The following TET2 variants were observed in gnomAD, a reference collection of about 807,000 sequenced individuals.
TET2 encodes tet methylcytosine dioxygenase 2.
In TET2, 299 loss-of-function variants were observed where a neutral mutation model predicts 142.9. The ratio of observed to expected loss-of-function variants is 2.09; its 90% CI spans 1.90 to 2.30. TET2 has a LOEUF of 2.30. Among genes scored for constraint, TET2 ranks in the 30% most tolerant of loss-of-function variants. The pLI is 0.00. For synonymous variants in TET2, 819 were observed against 849.0 expected, an observed-to-expected ratio of 0.96 and a Z score of 0.61; for missense variants, 2,418 against 2,378.0, an observed-to-expected ratio of 1.02 and a Z score of -0.35.
At chr4:105,242,460 C>T in intron 4 of TET2, 2 of 1,103,718 alleles carry the variant, frequency 1.8e-6, no homozygotes, top group African/African-American at 1.6e-5. Context: ...TATTATGACT[C>T]CCCAAGTTTT....
At chr4:105,242,727 G>C in intron 4 of TET2, 107 bp from the exon 5 acceptor site, 1 of 1,486,156 alleles carries the variant, frequency 6.7e-7, no homozygotes, top group East Asian at 2.5e-5. Context: ...TCATTTCTCA[G>C]GATGTGGTCA....
intron 6 of TET2, among the ~76,000 whole-genome samples, chr4:105,256,276 A>G (rs1307971065): frequency 2.6e-5 from 4 of 152,130 alleles, no homozygotes; most frequent in Non-Finnish European, 4.4e-5. Flanking sequence ...TGAAGTATAC[A>G]TTTAGTATTT....
rs59576487 is a variant in TET2, at chr4:105,276,838, T to TCC, written c.*329_*330dup. ...TGGACGAGATGATATGTAAATGTGA[T>TCC]CCCCCCCCCCCGCTTACAACTCTAC... On this transcript the variant is annotated 3_prime_UTR_variant, in exon 11 of 11. Transcript: ENST00000380013. 0.076 allele frequency: 11,740 copies of TCC among 153,876 alleles called. 1,074 individuals carry two copies. Among genetic ancestry groups the TCC allele is most frequent in the Non-Finnish European group, 0.093 (7,461 of 80,188 alleles). 9.5% of individuals were successfully genotyped at this position (153,876 alleles called of 1,614,324 possible).
At chr4:105,265,559 T>C (rs1014912918) in intron 8 of TET2, among the ~76,000 whole-genome samples, 5 of 152,242 alleles carry the variant, frequency 3.3e-5, no homozygotes, top group African/African-American at 1.2e-4. Flanking sequence ...CACACATCTA[T>C]GTTAAAGAGT....
chr4:105,268,272 A>G lies in TET2; in HGVS notation c.4045-1338A>G, dbSNP rs1213496929. ...GTGTATTTTTATATACTAGCAATAAATAAATCAAAATAAACCATTAAAATA... is the reference window on the plus strand; with the variant it reads ...GTGTATTTTTATATACTAGCAATAAGTAAATCAAAATAAACCATTAAAATA... On this transcript the variant is annotated intron_variant, in intron 8 of 10. Coordinates refer to ENST00000380013, the MANE Select transcript of TET2 (RefSeq NM_001127208.3). 3.3e-5 allele frequency among the ~76,000 whole-genome samples: 5 copies of G among 152,198 alleles called. 1 individual carries two copies. The highest frequency in any genetic ancestry group is 5.9e-5 in the Non-Finnish European group (4 of 68,020).
Position 105,236,869 on chromosome 4 carries a change from A to T in TET2, c.2927A>T (p.Gln976Leu). The change falls in exon 3 of 11, where the codon CAG (glutamine) becomes CTG (leucine). Residue 976 changes from glutamine (Q) to leucine (L), a missense_variant. Coordinates refer to ENST00000380013, the MANE Select transcript of TET2 (RefSeq NM_001127208.3). ...CCCCAAACTGAGTCTTGCCATAGTC[A>T]GATGCACAGGCCAATTAAGGTGGAA... ...QQPQTESCHS[Q>L]MHRPIKVEPG... 6.2e-7 allele frequency: 1 copy of T among 1,614,180 alleles called. No individual in the cohort carries two copies. Among genetic ancestry groups the T allele is most frequent in the Middle Eastern group, 1.6e-4 (1 of 6,062 alleles).
intron 1 of TET2, among the ~76,000 whole-genome samples, chr4:105,186,615 G>A (rs1316304966): frequency 6.6e-6 from 1 of 151,846 alleles, no homozygotes; most frequent in Non-Finnish European, 1.5e-5. Flanking sequence ...GGGACTACAG[G>A]CTTGCACCAC....
At position 105,272,764 on chromosome 4, in the gene TET2, CA is replaced by C; in HGVS notation, c.4385del (p.Lys1462ArgfsTer8). ...AAGTCAGGATGTTAGCAGAGCCAGT[CA>C]AGACTTGCCGACAAAGGAAACTAGA... ...RKVRMLAEPV[K>X]TCRQRKLEAK... On this transcript the variant is annotated frameshift_variant, in exon 10 of 11. Coordinates refer to ENST00000380013, the MANE Select transcript of TET2 (RefSeq NM_001127208.3). LOFTEE classifies it high-confidence loss of function. The C allele has an allele frequency of 6.4e-7, 1 of 1,551,612 alleles. No individual in the cohort carries two copies. Among genetic ancestry groups the C allele is most frequent in the Non-Finnish European group, 8.7e-7 (1 of 1,146,974 alleles).
rs776851185 is a variant in TET2, at chr4:105,236,948, A to G, written c.3006A>G (p.Thr1002=). The change falls in exon 3 of 11, where the codon ACA becomes ACG. Residue 1002 remains threonine, a synonymous_variant. Transcript: ENST00000380013. ...CMHTAPPENK[T]WKKVTKQENP... is the part of the protein sequence containing the mutation. ...ACACAGCACCACCAGAAAACAAAAC[A>G]TGGAAAAAGGTAACTAAGCAAGAGA... The G allele has an allele frequency of 3.1e-6, 5 of 1,614,132 alleles. No individual in the cohort carries two copies. The South Asian group carries it at 4.4e-5, about 14-fold the overall frequency.
Position 105,180,489 on chromosome 4 carries a change from T to C in TET2, c.-192-9871T>C, listed in dbSNP as rs1035785050. Among the ~76,000 whole-genome samples the C allele has an allele frequency of 9.2e-5, 14 of 152,312 alleles. 1 individual carries two copies. The East Asian group carries it at 2.7e-3, about 29-fold the overall frequency. ...TTTTAAGTTTTATCTTTTTTTGTTT[T>C]ACCAGGAAGCAAAATTATGTTTATT... On this transcript the variant is annotated intron_variant, in intron 1 of 10. Coordinates refer to ENST00000380013, the MANE Select transcript of TET2 (RefSeq NM_001127208.3).
rs915264952 is a variant in TET2 at position 105,160,988 on chromosome 4, C to T, written c.-193+14009C>T. On this transcript the variant is annotated intron_variant, in intron 1 of 10. Transcript: ENST00000380013. ...GCGGGGTTTTACCATCTTGGTCAGG[C>T]TGGTTTTGAACTCCTGACCTGGTGA... Among the ~76,000 whole-genome samples, 100 of 152,088 alleles carry T rather than the reference C, an allele frequency of 6.6e-4. 1 individual carries two copies. Among genetic ancestry groups the T allele is most frequent in the Non-Finnish European group, 1.5e-4 (10 of 68,030 alleles).
intron 1 of TET2, among the ~76,000 whole-genome samples, chr4:105,164,979 C>T (rs1290667346): frequency 6.6e-6 from 1 of 152,068 alleles, no homozygotes; most frequent in East Asian, 1.9e-4. Context: ...TGATAGCAGG[C>T]ATGATTTAAA....
chr4:105,236,519 C>T lies in TET2; in HGVS notation c.2577C>T (p.Thr859=), dbSNP rs2110234193. 1 of 1,614,054 alleles carries T rather than the reference C, an allele frequency of 6.2e-7. No homozygotes were observed. Among genetic ancestry groups the T allele is most frequent in the South Asian group, 1.1e-5 (1 of 91,076 alleles). The change falls in exon 3 of 11, where the codon ACC becomes ACT. Residue 859 remains threonine, a synonymous_variant. Coordinates refer to ENST00000380013, the MANE Select transcript of TET2 (RefSeq NM_001127208.3). Reference sequence around the variant, plus strand: ...CTGAACTTTTTGCAGGAAACAAGACCCAAAACTTGCATCACATGCAATATT... The same window carrying T: ...CTGAACTTTTTGCAGGAAACAAGACTCAAAACTTGCATCACATGCAATATT... ...THPELFAGNK[T]QNLHHMQYFP... is the part of the protein sequence containing the mutation.
Position 105,272,727 on chromosome 4 carries a change from CT to C in TET2, c.4350del (p.Arg1451GlyfsTer7), listed in dbSNP as rs1731026887. On this transcript the variant is annotated frameshift_variant, in exon 10 of 11. Coordinates refer to ENST00000380013, the MANE Select transcript of TET2 (RefSeq NM_001127208.3). LOFTEE classifies it high-confidence loss of function. ...AGTGGTGCCATTCAGGTACTGAGTT[CT>C]TTTCGGCGAAAAGTCAGGATGTTAG... ...KRSGAIQVLS[S>X]FRRKVRMLAE... The C allele has an allele frequency of 1.3e-6, 2 of 1,551,676 alleles. No homozygotes were observed. The highest frequency in any genetic ancestry group is 1.7e-6 in the Non-Finnish European group (2 of 1,146,976).
In TET2 at chr4:105,190,330, T is replaced by C. The variant is rs575380210; in HGVS notation, c.-192-30T>C. On this transcript the variant is annotated intron_variant, in intron 1 of 10. Coordinates refer to ENST00000380013, the MANE Select transcript of TET2 (RefSeq NM_001127208.3). ...ATATACCCTGTTCCTTTTTGCTAACTTAAAAATGTTCAAACTCTGTCTTCT... is the reference window on the plus strand; with the variant it reads ...ATATACCCTGTTCCTTTTTGCTAACCTAAAAATGTTCAAACTCTGTCTTCT... 1.5e-3 allele frequency: 951 copies of C among 625,842 alleles called. 18 individuals carry two copies. In the South Asian group the frequency reaches 0.017, roughly 11 times the overall value. 38.8% of individuals were successfully genotyped at this position (625,842 alleles called of 1,614,324 possible). A position where few individuals can be genotyped will look rare whatever the true frequency, so the allele number is the denominator to read the frequency against.
At chr4:105,190,572 C>T (rs1187916979) in intron 2 of TET2, 67 bp downstream of exon 2, 5 of 680,332 alleles carry the variant, frequency 7.3e-6, no homozygotes, top group Non-Finnish European at 1.3e-5. Flanking sequence ...TAATGGTAAT[C>T]TCTCTCCCAA....
chr4:105,173,475 G>A (rs1278561195), intron 1 of TET2, among the ~76,000 whole-genome samples: 1 of 152,114 alleles, frequency 6.6e-6, no homozygotes, highest in East Asian at 1.9e-4. Context: ...GGAGGTTGCA[G>A]TGAGCCAAGA....
chr4:105,184,477 T>A (rs972072012), intron 1 of TET2, among the ~76,000 whole-genome samples: 1 of 152,252 alleles, frequency 6.6e-6, no homozygotes, highest in Non-Finnish European at 1.5e-5. Flanking sequence ...TGCTTGTTTT[T>A]ATCTTCATGG....
chr4:105,158,272 T>A (rs1241526810), intron 1 of TET2, among the ~76,000 whole-genome samples: 1 of 152,174 alleles, frequency 6.6e-6, no homozygotes, highest in Non-Finnish European at 1.5e-5. Context: ...TTGTTATAAT[T>A]AGTCATGCCT....
Sources: allele counts gnomAD v4.1 joint callset (sites outside exome capture counted in the v4.1 genomes callset), GRCh38; gene constraint gnomAD v4.1.1; transcripts MANE v1.5; gene names NCBI Gene and HGNC (gene_info 2026-07-23, HGNC 2026-07-21).